Variants in ARMC3 observed in about 807,000 individuals in gnomAD.
ARMC3 encodes armadillo repeat containing 3.
In ARMC3, 74 loss-of-function variants were observed where a neutral mutation model predicts 90.3. The ratio of observed to expected loss-of-function variants is 0.82; its 90% CI spans 0.68 to 0.99. The LOEUF (loss-of-function observed/expected upper bound fraction) is 0.99. ARMC3 is among the 50% of genes least tolerant of loss of function. ARMC3 has a pLI of 0.00. For synonymous variants in ARMC3, 334 were observed against 361.8 expected, an observed-to-expected ratio of 0.92 and a Z score of 0.87; for missense variants, 958 against 1,042.8, an observed-to-expected ratio of 0.92 and a Z score of 1.12.
At chr10:23,034,930 T>C (rs1396801506) in intron 18 of ARMC3, among the ~76,000 whole-genome samples, 1 of 152,258 alleles carries the variant, frequency 6.6e-6, no homozygotes, top group Non-Finnish European at 1.5e-5. Context: ...CAGATCTATG[T>C]ATGTGATTAG....
At chr10:22,968,223 G>T (rs1428676031) in intron 7 of ARMC3, 83 bp from the exon 8 acceptor site, 1 of 1,291,658 alleles carries the variant, frequency 7.7e-7, no homozygotes, top group East Asian at 2.4e-5. Flanking sequence ...TGTTCTGACT[G>T]ACTTTATTTC....
intron 8 of ARMC3, among the ~76,000 whole-genome samples, chr10:22,975,502 T>G (rs887238731): frequency 1.3e-5 from 2 of 151,992 alleles, no homozygotes; most frequent in African/African-American, 2.4e-5. Context: ...GAGGTGGAGG[T>G]TGCAGTGAGC....
intron 16 of ARMC3, among the ~76,000 whole-genome samples, chr10:23,017,755 G>T (rs1462129015): frequency 6.6e-6 from 1 of 152,252 alleles, no homozygotes; most frequent in Non-Finnish European, 1.5e-5. Flanking sequence ...AACAGAGCGA[G>T]ACTTCGTCTC....
intron 11 of ARMC3, among the ~76,000 whole-genome samples, chr10:23,000,399 T>C (rs1837224989): frequency 6.6e-6 from 1 of 152,142 alleles, no homozygotes; most frequent in African/African-American, 2.4e-5. Context: ...GGTACATCTT[T>C]CTCTATGCTC....
intron 13 of ARMC3, chr10:23,006,606 C>T (rs1588908866): frequency 8.5e-6 from 3 of 353,716 alleles, no homozygotes; most frequent in Non-Finnish European, 1.6e-5. Flanking sequence ...TTTGCCAATC[C>T]AAATACTTCC....
At chr10:23,021,775 C>T (rs1015446103) in intron 16 of ARMC3, among the ~76,000 whole-genome samples, 4 of 152,122 alleles carry the variant, frequency 2.6e-5, no homozygotes, top group Middle Eastern at 3.4e-3. Flanking sequence ...CTGTAGGTTG[C>T]CTGTTTACTC....
chr10:22,988,783 A>G (rs530563531), intron 10 of ARMC3, among the ~76,000 whole-genome samples: 10 of 152,218 alleles, frequency 6.6e-5, no homozygotes, highest in Non-Finnish European at 1.2e-4. Flanking sequence ...TTCTTAGAAC[A>G]CACTTCTTGG....
intron 11 of ARMC3, 71 bp from the exon 12 acceptor site, chr10:23,001,848 A>C: frequency 1.3e-6 from 2 of 1,499,434 alleles, no homozygotes; most frequent in Non-Finnish European, 1.8e-6. Flanking sequence ...TCAAATAATG[A>C]GATTTTTTTA....
intron 11 of ARMC3, among the ~76,000 whole-genome samples, chr10:23,000,664 C>T (rs1323316160): frequency 6.6e-6 from 1 of 152,180 alleles, no homozygotes; most frequent in Non-Finnish European, 1.5e-5. Context: ...TCATATTATA[C>T]CTTATGCTTG....
chr10:22,943,762 A>C (rs867035482), intron 2 of ARMC3, among the ~76,000 whole-genome samples: 1 of 151,896 alleles, frequency 6.6e-6, no homozygotes, highest in Non-Finnish European at 1.5e-5. Flanking sequence ...GCAAAACCCC[A>C]TCTCTACTAA....
chr10:22,986,101 G>C (rs1214764786), intron 10 of ARMC3, among the ~76,000 whole-genome samples: 1 of 127,408 alleles, frequency 7.8e-6, no homozygotes, highest in African/African-American at 2.9e-5. Flanking sequence ...CCACACCCCT[G>C]CACTGCACGC....
Position 23,033,686 on chromosome 10 carries a change from C to T in ARMC3, c.2409+663C>T, listed in dbSNP as rs185825872. ...TTGAAAGTTTTCAAGAGGGTAACAT[C>T]ATTTTGAACCACTGTTCAGGCAACA... On this transcript the variant is annotated intron_variant, in intron 18 of 18. Transcript: ENST00000298032. Among the ~76,000 whole-genome samples the T allele has an allele frequency of 4.4e-3, 677 of 152,208 alleles. 1 individual carries two copies. The highest frequency in any genetic ancestry group is 7.5e-3 in the Non-Finnish European group (511 of 67,990).
At chr10:23,012,971 T>A (rs757086565) in intron 16 of ARMC3, among the ~76,000 whole-genome samples, 8 of 150,520 alleles carry the variant, frequency 5.3e-5, no homozygotes, top group Non-Finnish European at 1.2e-4. Flanking sequence ...TCATTGCAAC[T>A]TCCGCCTCCC....
At chr10:23,023,825 A>G (rs945687643) in intron 16 of ARMC3, among the ~76,000 whole-genome samples, 1 of 147,526 alleles carries the variant, frequency 6.8e-6, no homozygotes, top group African/African-American at 2.4e-5. Context: ...ATTAACTGGA[A>G]AAAAAAATGA....
chr10:22,999,743 A>G (rs1008232376), intron 11 of ARMC3, among the ~76,000 whole-genome samples: 1 of 152,202 alleles, frequency 6.6e-6, no homozygotes, highest in Non-Finnish European at 1.5e-5. Context: ...CAAGTTTCAC[A>G]TGCTTGGGCC....
chr10:22,997,296 C>T (rs965966485), intron 10 of ARMC3: 6 of 152,270 alleles, frequency 3.9e-5, no homozygotes, highest in Middle Eastern at 3.4e-3. Flanking sequence ...GGAAGCTAAG[C>T]AGGGTGGGGA....
intron 10 of ARMC3, among the ~76,000 whole-genome samples, chr10:22,991,320 A>G (rs1209500347): frequency 6.6e-6 from 1 of 152,188 alleles, no homozygotes; most frequent in Non-Finnish European, 1.5e-5. Flanking sequence ...CCTAGCCAGT[A>G]TCACAGGGAG....
At chr10:23,006,662 C>A (rs1190868844) in intron 13 of ARMC3, 26 of 475,578 alleles carry the variant, frequency 5.5e-5, no homozygotes, top group South Asian at 3.3e-4. Flanking sequence ...GAGTGTAAAG[C>A]AATCGAGATG....
chr10:22,961,767 T>G, intron 6 of ARMC3, 117 bp from the exon 7 acceptor site: 7 of 813,910 alleles, frequency 8.6e-6, no homozygotes, highest in Non-Finnish European at 1.3e-5. Flanking sequence ...GAAGGGAATC[T>G]GGAATAAAAG....
Sources: gnomAD v4.1 joint callset for allele counts (sites outside exome capture counted in the v4.1 genomes callset) on GRCh38, gnomAD v4.1.1 for gene constraint, MANE v1.5 for transcripts, NCBI Gene and HGNC (gene_info 2026-07-23, HGNC 2026-07-21) for gene names.